The following RAPGEF6 variants were observed in gnomAD, a reference collection of about 807,000 sequenced individuals.
The protein encoded by RAPGEF6 is Rap guanine nucleotide exchange factor 6, also known as PDZ domain containing guanine nucleotide exchange factor (GEF) 2.
Under a neutral mutation model 171.4 loss-of-function variants are expected in RAPGEF6, and 56 were observed. That is an observed-to-expected ratio of 0.33 (90% CI 0.26 to 0.41). RAPGEF6 has a LOEUF of 0.41. RAPGEF6 is among the 10% of genes least tolerant of loss of function. RAPGEF6 has a pLI of 1.00. For missense variants in RAPGEF6, 1,674 were observed against 1,921.4 expected (o/e 0.87, Z 2.41); for synonymous variants, 692 against 650.1 (o/e 1.06, Z -0.98).
At chr5:131,526,868 A>G (rs748982495) in intron 6 of RAPGEF6, among the ~76,000 whole-genome samples, 1 of 152,228 alleles carries the variant, frequency 6.6e-6, no homozygotes, top group Non-Finnish European at 1.5e-5. Flanking sequence ...AAGCAGCAAG[A>G]AAGTTTTTTA....
At chr5:131,573,230 A>C (rs985582720) in intron 4 of RAPGEF6, among the ~76,000 whole-genome samples, 3 of 151,406 alleles carry the variant, frequency 2.0e-5, no homozygotes, top group East Asian at 1.9e-4. Flanking sequence ...TCCCCTCCTC[A>C]CACCTGGTCT....
rs144883990 is a variant in RAPGEF6 at position 131,489,620 on chromosome 5, A to T, written c.1766T>A (p.Ile589Asn). The T allele has an allele frequency of 1.3e-6, 2 of 1,593,452 alleles. No individual in the cohort carries two copies. Among genetic ancestry groups the T allele is most frequent in the Non-Finnish European group, 1.7e-6 (2 of 1,167,722 alleles). Residue 589 changes from isoleucine to asparagine, a missense_variant, in exon 15 of 28, where the codon ATT becomes AAT. By Grantham distance (149) the Ile-to-Asn change is moderately radical. Around this residue, in one of 3 missense-constraint regions of RAPGEF6, gnomAD observed 1,116 missense variants for 1,321.5 expected, o/e 0.84. Transcript: ENST00000509018. ...MEVNGQNFEN[I>N]TFMKAVEILR... is the part of the protein sequence containing the mutation. ...AATTTCAACGGCTTTCATAAATGTA[A>T]TATTCTCAAAGTTTTGTCCATTTAC... is the stretch of plus-strand genomic sequence containing the variant.
chr5:131,606,434 T>C (rs1043313676), intron 1 of RAPGEF6, among the ~76,000 whole-genome samples: 7 of 151,492 alleles, frequency 4.6e-5, no homozygotes, highest in East Asian at 1.9e-4. Context: ...CCACAGTGAA[T>C]TGAACAACCA....
intron 16 of RAPGEF6, chr5:131,472,983 T>A: frequency 2.2e-6 from 1 of 458,028 alleles, no homozygotes; most frequent in East Asian, 3.9e-5. Context: ...TACATCCTAA[T>A]TAAATTGTCT....
chr5:131,614,662 A>G (rs1206563244), intron 1 of RAPGEF6, among the ~76,000 whole-genome samples: 1 of 152,226 alleles, frequency 6.6e-6, no homozygotes, highest in East Asian at 1.9e-4. Context: ...GTGGGGACAC[A>G]GAGCCAAACC....
At chr5:131,566,874 C>T (rs756978347) in intron 4 of RAPGEF6, among the ~76,000 whole-genome samples, 16 of 151,662 alleles carry the variant, frequency 1.1e-4, no homozygotes, top group Admixed American at 7.2e-4. Context: ...TTTGGGAAGC[C>T]GAGGCAGGTG....
chr5:131,516,634 G>A (rs186381373), intron 7 of RAPGEF6, among the ~76,000 whole-genome samples: 124 of 152,254 alleles, frequency 8.1e-4, no homozygotes, highest in South Asian at 5.0e-3. Flanking sequence ...TTGTTCAAGA[G>A]TCAATATTTC....
intron 7 of RAPGEF6, among the ~76,000 whole-genome samples, chr5:131,520,263 G>A (rs955031846): frequency 2.3e-4 from 35 of 152,260 alleles, no homozygotes; most frequent in African/African-American, 7.9e-4. Flanking sequence ...GCCACTAGCC[G>A]TATGTGGTTA....
intron 1 of RAPGEF6, among the ~76,000 whole-genome samples, chr5:131,608,933 T>C (rs1764777896): frequency 1.3e-5 from 2 of 152,066 alleles, no homozygotes. Flanking sequence ...CACAACACCA[T>C]GCCCATTTAG....
intron 6 of RAPGEF6, among the ~76,000 whole-genome samples, chr5:131,526,884 CA>C (rs762188568): frequency 2.0e-5 from 3 of 152,034 alleles, no homozygotes; most frequent in Non-Finnish European, 2.9e-5. Context: ...TTTTAGCTAA[CA>C]ACTTGAATAC....
At chr5:131,529,235 G>A (rs1390109294) in intron 6 of RAPGEF6, among the ~76,000 whole-genome samples, 1 of 151,934 alleles carries the variant, frequency 6.6e-6, no homozygotes, top group African/African-American at 2.4e-5. Context: ...CAGCACTTTG[G>A]GAGGCTGAGG....
At chr5:131,626,880 A>AT (rs1765964186) in intron 1 of RAPGEF6, among the ~76,000 whole-genome samples, 1 of 152,202 alleles carries the variant, frequency 6.6e-6, no homozygotes, top group Non-Finnish European at 1.5e-5. Context: ...CACAAAAATG[A>AT]TTTGAACAAC....
chr5:131,511,340 G>GA (rs1757707285), intron 7 of RAPGEF6: 2 of 151,852 alleles, frequency 1.3e-5, no homozygotes, highest in Non-Finnish European at 2.9e-5. Context: ...AGGCATTATA[G>GA]AAAAAATGAG....
chr5:131,492,296 GT>G (rs1187066625), intron 14 of RAPGEF6, among the ~76,000 whole-genome samples: 2 of 152,134 alleles, frequency 1.3e-5, no homozygotes, highest in Non-Finnish European at 2.9e-5. Flanking sequence ...AGCTTATACA[GT>G]TTCCTAATCC....
chr5:131,629,972 T>C (rs1420398065), intron 1 of RAPGEF6, among the ~76,000 whole-genome samples: 1 of 152,202 alleles, frequency 6.6e-6, no homozygotes, highest in Non-Finnish European at 1.5e-5. Context: ...GAATACCACA[T>C]AAGCTTAAGC....
rs368539777 is a variant in RAPGEF6 at position 131,431,489 on chromosome 5, T to C, written c.3975-140A>G. On this transcript the variant is annotated intron_variant, in intron 25 of 27. Transcript: ENST00000509018. ...CCAAATAACATCGTGAGGAAAACAA[T>C]ATTATCATCATTCATCACTATATTC... 1.3e-5 allele frequency: 11 copies of C among 875,054 alleles called. No individual in the cohort carries two copies. In the Middle Eastern group the frequency reaches 9.8e-4, roughly 78 times the overall value. The allele number at this position is 875,054 out of a possible 1,614,324, so 54.2% of individuals were successfully genotyped here.
rs149825172 is a variant in RAPGEF6, at chr5:131,493,950, C to T, written c.1528-1165G>A. On this transcript the variant is annotated intron_variant, in intron 13 of 27. Transcript: ENST00000509018. ...ATTTTGTATAGAGCACATGTGCTGC[C>T]GAGAAGTCAATAGGAACCAAGGGGT... 3.3e-4 allele frequency among the ~76,000 whole-genome samples: 50 copies of T among 152,180 alleles called. No homozygotes were observed. In the East Asian group the frequency reaches 9.3e-3, roughly 28 times the overall value.
At chr5:131,554,231 A>T (rs1031327307) in intron 5 of RAPGEF6, among the ~76,000 whole-genome samples, 8 of 152,226 alleles carry the variant, frequency 5.3e-5, no homozygotes, top group Non-Finnish European at 8.8e-5. Context: ...GAAGAAAAAT[A>T]AAGTTATTTT....
At chr5:131,557,116 T>C (rs1352192056) in intron 5 of RAPGEF6, among the ~76,000 whole-genome samples, 1 of 152,214 alleles carries the variant, frequency 6.6e-6, no homozygotes, top group African/African-American at 2.4e-5. Flanking sequence ...TCTTCCCTTA[T>C]GTGACATATG....
Sources: gnomAD v4.1 joint callset for allele counts (sites outside exome capture counted in the v4.1 genomes callset) on GRCh38, gnomAD v4.1.1 for gene constraint, gnomAD v4.1.1 regional missense constraint, MANE v1.5 for transcripts, NCBI Gene and HGNC (gene_info 2026-07-23, HGNC 2026-07-21) for gene names.